The following CBLL2 variants were observed in gnomAD, a reference collection of about 807,000 sequenced individuals.
The protein encoded by CBLL2 is Cbl proto-oncogene like 2, also known as E3 ubiquitin-protein ligase CBLL2.
For synonymous variants in CBLL2, 123 were observed against 124.9 expected (o/e 0.98, Z 0.10); for missense variants, 347 against 343.2 (o/e 1.01, Z -0.09).
Position 22,273,989 on chromosome X carries a change from C to CTTTACAA in CBLL2, c.999_1000insTTACAAT (p.Asp334LeufsTer3), listed in dbSNP as rs748592829. 1.7e-6 allele frequency: 2 copies of CTTTACAA among 1,211,700 alleles called. No individual in the cohort carries two copies. Among genetic ancestry groups the CTTTACAA allele is most frequent in the East Asian group, 5.9e-5 (2 of 33,839 alleles). ...GGATATATTATTGTAAAGGTGCCACCTGATATGAATTCTCCTCCACTACGT... is the reference window on the plus strand; with the variant it reads ...GGATATATTATTGTAAAGGTGCCACCTTTACAATGATATGAATTCTCCTCCACTACGT... On this transcript the variant is annotated frameshift_variant, in exon 1 of 1. Coordinates refer to ENST00000323684, the MANE Select transcript of CBLL2 (RefSeq NM_152577.4). LOFTEE classifies it low-confidence loss of function (END_TRUNC).
rs763838901 is a variant in CBLL2, at chrX:22,273,944, C to T, written c.953C>T (p.Thr318Met). 9 of 1,209,290 alleles carry T rather than the reference C, an allele frequency of 7.4e-6. No individual in the cohort carries two copies. The highest frequency in any genetic ancestry group is 6.6e-5 in the Admixed American group (3 of 45,653). Reference sequence around the variant, plus strand: ...CGTAGCCAAGTGCCAGCTCTAACCACGACCTACGATCCATCATCTGGATAT... The same window carrying T: ...CGTAGCCAAGTGCCAGCTCTAACCATGACCTACGATCCATCATCTGGATAT... ...SVRSQVPALT[T>M]TYDPSSGYII... The change falls in exon 1 of 1, where the codon ACG becomes ATG. Residue 318 changes from threonine (T) to methionine (M), a missense_variant. Coordinates refer to ENST00000323684, the MANE Select transcript of CBLL2 (RefSeq NM_152577.4).
chrX:22,274,142 C>G lies in CBLL2; in HGVS notation c.1151C>G (p.Ala384Gly), dbSNP rs752525647. ...TLSPQFTQTD[A>G]MDHRRWPAWK... Reference sequence around the variant, plus strand: ...AGCCCTCAGTTTACACAAACAGATGCAATGGATCATAGAAGGTGGCCTGCA... The same window carrying G: ...AGCCCTCAGTTTACACAAACAGATGGAATGGATCATAGAAGGTGGCCTGCA... Residue 384 changes from alanine to glycine, a missense_variant, in exon 1 of 1, where the codon GCA becomes GGA. Ala to Gly is a moderately conservative substitution (Grantham distance 60, BLOSUM62 0). Transcript: ENST00000323684. The G allele has an allele frequency of 1.2e-5, 14 of 1,211,782 alleles. No individual in the cohort carries two copies. The South Asian group carries it at 1.9e-4, about 17-fold the overall frequency.
Position 22,273,181 on chromosome X carries a change from A to G in CBLL2, c.190A>G (p.Ile64Val), listed in dbSNP as rs750466096. Reference sequence around the variant, plus strand: ...TTTCTGTGACAAATGTGATTTGCCTATTAAAATCTATGGGCGAATAATTCC... The same window carrying G: ...TTTCTGTGACAAATGTGATTTGCCTGTTAAAATCTATGGGCGAATAATTCC... The part of the protein sequence containing the change: ...IHFCDKCDLP[I>V]KIYGRIIPCK... The change falls in exon 1 of 1, where the codon ATT becomes GTT. Residue 64 changes from isoleucine to valine, a missense_variant. By Grantham distance (29) the Ile-to-Val change is conservative. Coordinates refer to ENST00000323684, the MANE Select transcript of CBLL2 (RefSeq NM_152577.4). 7 of 1,209,593 alleles carry G rather than the reference A, an allele frequency of 5.8e-6. No homozygotes were observed. The highest frequency in any genetic ancestry group is 6.7e-6 in the Non-Finnish European group (6 of 894,892).
chrX:22,274,306 GA>G lies in CBLL2; in HGVS notation c.*44del, dbSNP rs772415570. 15 of 1,125,161 alleles carry G rather than the reference GA, an allele frequency of 1.3e-5. No homozygotes were observed. The highest frequency in any genetic ancestry group is 1.7e-5 in the Non-Finnish European group (14 of 836,501). 92.7% of individuals were successfully genotyped at this position (1,125,161 alleles called of 1,213,427 possible). A position where few individuals can be genotyped will look rare whatever the true frequency, so the allele number is the denominator to read the frequency against. On this transcript the variant is annotated 3_prime_UTR_variant, in exon 1 of 1. Transcript: ENST00000323684. The stretch of plus-strand genomic sequence containing the variant: ...GTATTTGGAACTGAAGACCTGATGG[GA>G]AAAAAACCTTCAAGTTCTATACTGT...
chrX:22,274,394 G>C lies in CBLL2; in HGVS notation c.*125G>C. 1 of 578,098 alleles carries C rather than the reference G, an allele frequency of 1.7e-6. No individual in the cohort carries two copies. Among genetic ancestry groups the C allele is most frequent in the Non-Finnish European group, 2.6e-6 (1 of 380,272 alleles). 47.6% of individuals were successfully genotyped at this position (578,098 alleles called of 1,213,427 possible). On this transcript the variant is annotated 3_prime_UTR_variant, in exon 1 of 1. Transcript: ENST00000323684. ...TTGAACAACTTTGTTCCTCTGGTGTGGTAAATTGACCTAAAGGTGACCTCT... is the reference window on the plus strand; with the variant it reads ...TTGAACAACTTTGTTCCTCTGGTGTCGTAAATTGACCTAAAGGTGACCTCT...
rs888673213 is a variant in CBLL2 at position 22,273,175 on chromosome X, T to C, written c.184T>C (p.Leu62=). 8.3e-7 allele frequency: 1 copy of C among 1,211,436 alleles called. No individual in the cohort carries two copies. The highest frequency in any genetic ancestry group is 1.1e-6 in the Non-Finnish European group (1 of 895,245). Residue 62 remains leucine, a synonymous_variant, in exon 1 of 1, where the codon TTG becomes CTG. Transcript: ENST00000323684. ...AATTCATTTCTGTGACAAATGTGAT[T>C]TGCCTATTAAAATCTATGGGCGAAT... ...LPIHFCDKCD[L]PIKIYGRIIP... is the part of the protein sequence containing the mutation.
Position 22,274,360 on chromosome X carries a change from G to C in CBLL2, c.*91G>C, listed in dbSNP as rs992448491. The C allele has an allele frequency of 5.5e-5, 47 of 855,359 alleles. No individual in the cohort carries two copies. Among genetic ancestry groups the C allele is most frequent in the Non-Finnish European group, 9.7e-6 (6 of 618,531 alleles). The allele number at this position is 855,359 out of a possible 1,213,427, so 70.5% of individuals were successfully genotyped here. A position where few individuals can be genotyped will look rare whatever the true frequency, so the allele number is the denominator to read the frequency against. On this transcript the variant is annotated 3_prime_UTR_variant, in exon 1 of 1. Transcript: ENST00000323684. ...TGTGGATAAGCGGCTCAGTTCAGCA[G>C]AGCTGGAGTTGAACAACTTTGTTCC...
chrX:22,273,806 CTCA>C lies in CBLL2; in HGVS notation c.820_822del (p.His274del), dbSNP rs779254699. On this transcript the variant is annotated inframe_deletion, in exon 1 of 1. Coordinates refer to ENST00000323684, the MANE Select transcript of CBLL2 (RefSeq NM_152577.4). Reference sequence around the variant, plus strand: ...CAAAGTCAACCAGCGGTATCGTCCCCTCATCATATTATACCTCAGAAACAGCAT... The same window carrying C: ...CAAAGTCAACCAGCGGTATCGTCCCCTCATATTATACCTCAGAAACAGCAT... 57 of 1,209,182 alleles carry C rather than the reference CTCA, an allele frequency of 4.7e-5. No individual in the cohort carries two copies. The East Asian group carries it at 1.4e-3, about 30-fold the overall frequency.
Position 22,273,500 on chromosome X carries a change from G to T in CBLL2, c.509G>T (p.Arg170Ile). ...PQTEISDIPKRLQDRDHLSYI... is the reference protein window; with the variant it reads ...PQTEISDIPKILQDRDHLSYI... ...ACTGAAATCTCTGACATCCCTAAAAGACTGCAAGACAGGGACCATCTAAGC... is the reference window on the plus strand; with the variant it reads ...ACTGAAATCTCTGACATCCCTAAAATACTGCAAGACAGGGACCATCTAAGC... The change falls in exon 1 of 1, where the codon AGA becomes ATA. Residue 170 changes from arginine (R) to isoleucine (I), a missense_variant. Transcript: ENST00000323684. 1 of 1,211,462 alleles carries T rather than the reference G, an allele frequency of 8.3e-7. No individual in the cohort carries two copies. The highest frequency in any genetic ancestry group is 1.8e-5 in the South Asian group (1 of 56,952).
Position 22,273,415 on chromosome X carries a change from C to T in CBLL2, c.424C>T (p.Arg142Ter), listed in dbSNP as rs146331121. Residue 142 changes from arginine (R) to a stop codon, truncating the protein, a stop_gained, in exon 1 of 1, where the codon CGA (arginine) becomes TGA (stop). Coordinates refer to ENST00000323684, the MANE Select transcript of CBLL2 (RefSeq NM_152577.4). LOFTEE classifies it low-confidence loss of function (END_TRUNC). Reference sequence around the variant, plus strand: ...TATCAAACGCCGCCATAAGAGAGCTCGAAAACAAGTTACCAGCGCTTCGCT... The same window carrying T: ...TATCAAACGCCGCCATAAGAGAGCTTGAAAACAAGTTACCAGCGCTTCGCT... ...AHIKRRHKRA[R>*]KQVTSASLEK... 135 of 1,209,652 alleles carry T rather than the reference C, an allele frequency of 1.1e-4. No individual in the cohort carries two copies. The highest frequency in any genetic ancestry group is 1.4e-4 in the Non-Finnish European group (127 of 895,235).
chrX:22,273,483 C>A lies in CBLL2; in HGVS notation c.492C>A (p.Ile164=), dbSNP rs1936785182. ...ATATTGCTCCGCCACAAACTGAAAT[C>A]TCTGACATCCCTAAAAGACTGCAAG... ...RPHIAPPQTE[I]SDIPKRLQDR... Residue 164 remains isoleucine (I), a synonymous_variant, in exon 1 of 1, where the codon ATC becomes ATA. Transcript: ENST00000323684. 3 of 1,209,627 alleles carry A rather than the reference C, an allele frequency of 2.5e-6. No homozygotes were observed. The South Asian group carries it at 5.3e-5, about 21-fold the overall frequency.
chrX:22,274,366 G>C lies in CBLL2; in HGVS notation c.*97G>C, dbSNP rs914064674. The C allele has an allele frequency of 3.4e-5, 27 of 802,117 alleles. No individual in the cohort carries two copies. The highest frequency in any genetic ancestry group is 1.0e-4 in the African/African-American group (5 of 47,691). 66.1% of individuals were successfully genotyped at this position (802,117 alleles called of 1,213,427 possible). On this transcript the variant is annotated 3_prime_UTR_variant, in exon 1 of 1. Transcript: ENST00000323684. ...TAAGCGGCTCAGTTCAGCAGAGCTG[G>C]AGTTGAACAACTTTGTTCCTCTGGT... is the stretch of plus-strand genomic sequence containing the variant.
chrX:22,273,383 A>G lies in CBLL2; in HGVS notation c.392A>G (p.Gln131Arg), dbSNP rs754670109. ...ACATACTTGTCTCAGAAAAGCTTAC[A>G]GGCTCATATCAAACGCCGCCATAAG... ...KRTYLSQKSL[Q>R]AHIKRRHKRA... Residue 131 changes from glutamine to arginine, a missense_variant, in exon 1 of 1, where the codon CAG (glutamine) becomes CGG (arginine). Coordinates refer to ENST00000323684, the MANE Select transcript of CBLL2 (RefSeq NM_152577.4). The G allele has an allele frequency of 1.7e-6, 2 of 1,212,011 alleles. No individual in the cohort carries two copies. Among genetic ancestry groups the G allele is most frequent in the South Asian group, 3.5e-5 (2 of 56,968 alleles).
Position 22,273,914 on chromosome X carries a change from C to T in CBLL2, c.923C>T (p.Ser308Leu), listed in dbSNP as rs1257570318. 3.3e-6 allele frequency: 4 copies of T among 1,210,932 alleles called. No individual in the cohort carries two copies. Among genetic ancestry groups the T allele is most frequent in the Non-Finnish European group, 4.5e-6 (4 of 895,110 alleles). The change falls in exon 1 of 1, where the codon TCG becomes TTG. Residue 308 changes from serine (S) to leucine (L), a missense_variant. By Grantham distance (145) the Ser-to-Leu change is moderately radical. Coordinates refer to ENST00000323684, the MANE Select transcript of CBLL2 (RefSeq NM_152577.4). ...YPPQDVVTPN[S>L]VRSQVPALTT... ...CCTCAGGATGTAGTTACTCCTAACT[C>T]GGTTCGTAGCCAAGTGCCAGCTCTA...
chrX:22,274,384 C>A lies in CBLL2; in HGVS notation c.*115C>A. 1.5e-6 allele frequency: 1 copy of A among 659,548 alleles called. No individual in the cohort carries two copies. The highest frequency in any genetic ancestry group is 2.2e-6 in the Non-Finnish European group (1 of 448,554). The allele number at this position is 659,548 out of a possible 1,213,427, so 54.4% of individuals were successfully genotyped here. A position where few individuals can be genotyped will look rare whatever the true frequency, so the allele number is the denominator to read the frequency against. On this transcript the variant is annotated 3_prime_UTR_variant, in exon 1 of 1. Coordinates refer to ENST00000323684, the MANE Select transcript of CBLL2 (RefSeq NM_152577.4). ...AGAGCTGGAGTTGAACAACTTTGTTCCTCTGGTGTGGTAAATTGACCTAAA... is the reference window on the plus strand; with the variant it reads ...AGAGCTGGAGTTGAACAACTTTGTTACTCTGGTGTGGTAAATTGACCTAAA...
In CBLL2 at chrX:22,273,955, C is replaced by G; in HGVS notation, c.964C>G (p.Pro322Ala). ...QVPALTTTYD[P>A]SSGYIIVKVP... ...GCCAGCTCTAACCACGACCTACGAT[C>G]CATCATCTGGATATATTATTGTAAA... is the stretch of plus-strand genomic sequence containing the variant. Residue 322 changes from proline (P) to alanine (A), a missense_variant, in exon 1 of 1, where the codon CCA becomes GCA. Physicochemically the swap from Pro to Ala is conservative, Grantham distance 27 (BLOSUM62 -1). Coordinates refer to ENST00000323684, the MANE Select transcript of CBLL2 (RefSeq NM_152577.4). 1 of 1,211,550 alleles carries G rather than the reference C, an allele frequency of 8.3e-7. No homozygotes were observed. The highest frequency in any genetic ancestry group is 1.1e-6 in the Non-Finnish European group (1 of 895,450).
rs112235331 is a variant in CBLL2, at chrX:22,273,636, A to G, written c.645A>G (p.Leu215=). The stretch of plus-strand genomic sequence containing the variant: ...ATATCCAGGCTCCTCCCCCAGAACT[A>G]TCTCTAAGTCTGCCTTTTCCCATCC... ...HKDIQAPPPE[L]SLSLPFPIQW... is the part of the protein sequence containing the mutation. The change falls in exon 1 of 1, where the codon CTA becomes CTG. Residue 215 remains leucine, a synonymous_variant. Coordinates refer to ENST00000323684, the MANE Select transcript of CBLL2 (RefSeq NM_152577.4). 1.7e-6 allele frequency: 2 copies of G among 1,209,574 alleles called. No homozygotes were observed. The highest frequency in any genetic ancestry group is 2.2e-6 in the Non-Finnish European group (2 of 895,223).
Position 22,273,982 on chromosome X carries a change from G to A in CBLL2, c.991G>A (p.Val331Met). Residue 331 changes from valine to methionine, a missense_variant, in exon 1 of 1, where the codon GTG becomes ATG. Physicochemically the swap from Val to Met is conservative, Grantham distance 21. Transcript: ENST00000323684. ...ATCATCTGGATATATTATTGTAAAG[G>A]TGCCACCTGATATGAATTCTCCTCC... ...DPSSGYIIVK[V>M]PPDMNSPPLR... is the part of the protein sequence containing the mutation. The A allele has an allele frequency of 8.3e-7, 1 of 1,211,314 alleles. No homozygotes were observed. Among genetic ancestry groups the A allele is most frequent in the Non-Finnish European group, 1.1e-6 (1 of 895,430 alleles).
chrX:22,274,223 A>G lies in CBLL2; in HGVS notation c.1232A>G (p.His411Arg), dbSNP rs773907840. The G allele has an allele frequency of 5.0e-6, 6 of 1,211,185 alleles. No individual in the cohort carries two copies. The highest frequency in any genetic ancestry group is 3.5e-5 in the South Asian group (2 of 56,877). Residue 411 changes from histidine to arginine, a missense_variant, in exon 1 of 1, where the codon CAT becomes CGT. By Grantham distance (29) the His-to-Arg change is conservative (BLOSUM62 0). Coordinates refer to ENST00000323684, the MANE Select transcript of CBLL2 (RefSeq NM_152577.4). ...PTRSPPPSTL[H>R]GRSHHSHQRR... ...CGGAGTCCACCTCCTTCAACCCTAC[A>G]TGGTCGATCACATCATTCACACCAG... is the stretch of plus-strand genomic sequence containing the variant.
Sources: gnomAD v4.1 joint callset for allele counts on GRCh38, gnomAD v4.1.1 for gene constraint, MANE v1.5 for transcripts, NCBI Gene and HGNC (gene_info 2026-07-23, HGNC 2026-07-21) for gene names.